Variants in SH3BGRL2 observed in about 807,000 individuals in gnomAD.
SH3BGRL2 encodes the protein SH3 domain binding glutamate rich protein like 2, also known as SH3 domain-binding glutamic acid-rich-like protein 2.
In SH3BGRL2, 21 loss-of-function variants were observed where a neutral mutation model predicts 14.8. The observed-to-expected ratio is 1.42, with a 90% CI of 1.01 to 2.05. The LOEUF (loss-of-function observed/expected upper bound fraction) is 2.05, where lower values mean the gene tolerates loss of function less well. Among genes scored for constraint, SH3BGRL2 ranks in the 30% most tolerant of loss-of-function variants. The pLI is 0.00. For synonymous variants in SH3BGRL2, 50 were observed against 47.8 expected, an observed-to-expected ratio of 1.05 and a Z score of -0.19; for missense variants, 147 against 130.8, an observed-to-expected ratio of 1.12 and a Z score of -0.61.
chr6:79,548,885 G>T, the SH3BGRL2 span, among the ~76,000 whole-genome samples: 6 of 151,622 alleles, frequency 4.0e-5, no homozygotes, highest in African/African-American at 1.5e-4. Flanking sequence ...GGAATGAGGG[G>T]GTTTCAGTTC....
At chr6:79,615,817 C>CTTTTT in the SH3BGRL2 span, among the ~76,000 whole-genome samples, 1 of 124,244 alleles carries the variant, frequency 8.0e-6, no homozygotes, top group Non-Finnish European at 1.6e-5. Context: ...CCACTCCTGC[C>CTTTTT]TTTTTTTTTT....
chr6:79,633,829 A>G (rs968233360), intron 1 of SH3BGRL2, among the ~76,000 whole-genome samples: 1 of 152,220 alleles, frequency 6.6e-6, no homozygotes, highest in African/African-American at 2.4e-5. Context: ...TGTAAGAATA[A>G]TGATTTCTAA....
intron 1 of SH3BGRL2, among the ~76,000 whole-genome samples, chr6:79,655,826 C>G (rs1582721615): frequency 1.3e-5 from 2 of 152,192 alleles, no homozygotes; most frequent in South Asian, 4.1e-4. Context: ...TCTTGAGCCC[C>G]ATTCCAGTCT....
chr6:79,678,822 A>C (rs559374988), intron 2 of SH3BGRL2, among the ~76,000 whole-genome samples: 1 of 152,098 alleles, frequency 6.6e-6, no homozygotes, highest in Non-Finnish European at 1.5e-5. Context: ...TTTTATGTCT[A>C]TGGGTCCTCA....
At chr6:79,580,130 G>A in the SH3BGRL2 span, among the ~76,000 whole-genome samples, 1 of 152,178 alleles carries the variant, frequency 6.6e-6, no homozygotes, top group Non-Finnish European at 1.5e-5. Context: ...CGATACAGGA[G>A]CACCCAGATT....
chr6:79,676,514 T>C (rs1010288319), intron 2 of SH3BGRL2, among the ~76,000 whole-genome samples: 6 of 152,120 alleles, frequency 3.9e-5, no homozygotes, highest in Non-Finnish European at 7.4e-5. Context: ...TTCTCTTTTT[T>C]CTAAGATCTT....
the SH3BGRL2 span, among the ~76,000 whole-genome samples, chr6:79,598,561 C>T: frequency 6.6e-6 from 1 of 151,952 alleles, no homozygotes; most frequent in Non-Finnish European, 1.5e-5. Flanking sequence ...AGTAAGTAAT[C>T]TATAGAGACA....
chr6:79,660,913 T>C (rs1337111686), intron 1 of SH3BGRL2, among the ~76,000 whole-genome samples: 1 of 152,226 alleles, frequency 6.6e-6, no homozygotes, highest in African/African-American at 2.4e-5. Context: ...CTAAATTTTC[T>C]AGTTTATTTG....
chr6:79,680,588 G>A (rs1769969601), intron 2 of SH3BGRL2, among the ~76,000 whole-genome samples: 1 of 152,028 alleles, frequency 6.6e-6, no homozygotes, highest in Non-Finnish European at 1.5e-5. Flanking sequence ...ATTTTAGGAT[G>A]ATTTTTTTTT....
chr6:79,674,355 A>G (rs929490883), intron 2 of SH3BGRL2, among the ~76,000 whole-genome samples: 3 of 152,136 alleles, frequency 2.0e-5, no homozygotes, highest in African/African-American at 4.8e-5. Flanking sequence ...ATATGAACAT[A>G]TATCAGGTGC....
At chr6:79,551,684 A>G in the SH3BGRL2 span, among the ~76,000 whole-genome samples, 1 of 152,194 alleles carries the variant, frequency 6.6e-6, no homozygotes, top group East Asian at 1.9e-4. Context: ...ATGAATATTC[A>G]TGAAGGTGGT....
At position 79,673,804 on chromosome 6, in the gene SH3BGRL2, G is replaced by A. The variant is rs763186946; in HGVS notation, c.231+5G>A. 6.2e-7 allele frequency: 1 copy of A among 1,612,020 alleles called. No individual in the cohort carries two copies. The highest frequency in any genetic ancestry group is 1.1e-5 in the South Asian group (1 of 90,924). On this transcript the variant is annotated splice_donor_5th_base_variant and intron_variant, in intron 2 of 3. Coordinates refer to ENST00000369838, the MANE Select transcript of SH3BGRL2 (RefSeq NM_031469.4). ...AATGGCGACCGATACTGTGGAGTAA[G>A]TGGCTAGACTGTTATCATGCTGTTT...
rs60702112 is a variant in SH3BGRL2 at position 79,648,255 on chromosome 6, CATATATATATAT to C, written c.45+16766_45+16777del. ...ACATTTTCTCTCTCTATTCTTTTGGCATATATATATATATATATATATATATATTTGACATAT... is the reference window on the plus strand; with the variant it reads ...ACATTTTCTCTCTCTATTCTTTTGGCATATATATATATATATTTGACATAT... On this transcript the variant is annotated intron_variant, in intron 1 of 3. Transcript: ENST00000369838. Among the ~76,000 whole-genome samples the C allele has an allele frequency of 1.8e-4, 11 of 62,456 alleles. 2 individuals carry two copies. In the East Asian group the frequency reaches 2.1e-3, roughly 12 times the overall value. 41.0% of individuals were successfully genotyped at this position (62,456 alleles called of 152,430 possible).
At chr6:79,695,675 T>C (rs925385690) in intron 2 of SH3BGRL2, among the ~76,000 whole-genome samples, 2 of 152,218 alleles carry the variant, frequency 1.3e-5, no homozygotes, top group African/African-American at 4.8e-5. Flanking sequence ...CAGGCTGTGG[T>C]GAAGATTTAA....
chr6:79,610,597 A>C, the SH3BGRL2 span, among the ~76,000 whole-genome samples: 1 of 152,234 alleles, frequency 6.6e-6, no homozygotes, highest in African/African-American at 2.4e-5. Context: ...CCTAGGGTTC[A>C]GTGAGGATCA....
the SH3BGRL2 span, among the ~76,000 whole-genome samples, chr6:79,615,417 C>T: frequency 6.6e-6 from 1 of 152,172 alleles, no homozygotes; most frequent in Non-Finnish European, 1.5e-5. Flanking sequence ...CAGGGTAACT[C>T]CATAGCCTGA....
chr6:79,623,395 T>G, the SH3BGRL2 span, among the ~76,000 whole-genome samples: 1 of 152,284 alleles, frequency 6.6e-6, no homozygotes, highest in African/African-American at 2.4e-5. Context: ...CGTCATAAAC[T>G]TCATGATACC....
At chr6:79,578,756 G>A in the SH3BGRL2 span, among the ~76,000 whole-genome samples, 4 of 152,252 alleles carry the variant, frequency 2.6e-5, no homozygotes, top group South Asian at 2.1e-4. Context: ...ACAAAGGATT[G>A]CAGCTCCTCG....
At position 79,673,547 on chromosome 6, in the gene SH3BGRL2, G is replaced by T. The variant is rs897487081; in HGVS notation, c.46-67G>T. 9.4e-6 allele frequency: 14 copies of T among 1,488,252 alleles called. No homozygotes were observed. The East Asian group carries it at 1.1e-4, about 12-fold the overall frequency. The allele number at this position is 1,488,252 out of a possible 1,614,324, so 92.2% of individuals were successfully genotyped here. A position where few individuals can be genotyped will look rare whatever the true frequency, so the allele number is the denominator to read the frequency against. ...GTATCAATGACATAAATCTAGTTCAGTTTGGAAGTATATACATACTGTTTC... is the reference window on the plus strand; with the variant it reads ...GTATCAATGACATAAATCTAGTTCATTTTGGAAGTATATACATACTGTTTC... On this transcript the variant is annotated intron_variant, in intron 1 of 3. Coordinates refer to ENST00000369838, the MANE Select transcript of SH3BGRL2 (RefSeq NM_031469.4).
Sources: allele counts gnomAD v4.1 joint callset (sites outside exome capture counted in the v4.1 genomes callset), GRCh38; gene constraint gnomAD v4.1.1; transcripts MANE v1.5; gene names NCBI Gene and HGNC (gene_info 2026-07-23, HGNC 2026-07-21).